AFAP1: variants seen among roughly 807,000 people sequenced by gnomAD.
AFAP1 encodes actin filament-associated protein 1.
Under a neutral mutation model 93.9 loss-of-function variants are expected in AFAP1, and 75 were observed. The ratio of observed to expected loss-of-function variants is 0.80; its 90% CI spans 0.66 to 0.97. AFAP1 has a LOEUF of 0.97. AFAP1 is among the 50% of genes least tolerant of loss of function. The pLI is 0.00. For missense variants in AFAP1, 1,201 were observed against 1,050.8 expected, an observed-to-expected ratio of 1.14 and a Z score of -1.98; for synonymous variants, 517 against 430.7, an observed-to-expected ratio of 1.20 and a Z score of -2.48.
chr4:7,855,335 G>A, intron 4 of AFAP1, 131 bp downstream of exon 4: 1 of 663,442 alleles, frequency 1.5e-6, no homozygotes, highest in Non-Finnish European at 2.5e-6. Flanking sequence ...CAATCTCTTT[G>A]GGTTCAAAAA....
intron 11 of AFAP1, among the ~76,000 whole-genome samples, chr4:7,792,785 G>C (rs942517718): frequency 2.3e-4 from 35 of 149,736 alleles, no homozygotes; most frequent in African/African-American, 8.5e-4. Context: ...ATCCTTTATA[G>C]AAAAAGTCAT....
chr4:7,897,706 T>G (rs1023725623), intron 1 of AFAP1, among the ~76,000 whole-genome samples: 2 of 152,042 alleles, frequency 1.3e-5, no homozygotes, highest in East Asian at 3.9e-4. Context: ...GTATTTTTAG[T>G]AGAGATGGGG....
chr4:7,854,508 T>A lies in AFAP1; in HGVS notation c.334+958A>T, dbSNP rs116340820. ...ATCATCAAGACGGATCCTGCTTTGG[T>A]GGAATAGCCGCGCTCGTAGACTGCC... On this transcript the variant is annotated intron_variant, in intron 4 of 17. Coordinates refer to ENST00000420658, the MANE Select transcript of AFAP1 (RefSeq NM_001134647.2). Among the ~76,000 whole-genome samples the A allele has an allele frequency of 3.5e-3, 531 of 152,228 alleles. 3 individuals are homozygous for A. The highest frequency in any genetic ancestry group is 0.012 in the African/African-American group (505 of 41,526).
chr4:7,918,965 T>TCGGCCCAGGTCACCAGGAAACAGGGC (rs1560236333), intron 1 of AFAP1, among the ~76,000 whole-genome samples: 5 of 31,016 alleles, frequency 1.6e-4, no homozygotes, highest in African/African-American at 5.9e-4. Flanking sequence ...AACAGGGCTG[T>TCGGCCCAGGTCACCAGGAAACAGGGC]TGGAAGAGAC....
chr4:7,846,663 A>G (rs1197573441), intron 4 of AFAP1, among the ~76,000 whole-genome samples: 1 of 152,098 alleles, frequency 6.6e-6, no homozygotes, highest in South Asian at 2.1e-4. Flanking sequence ...TGTGAGCTCT[A>G]CTCTATGCCA....
chr4:7,903,229 C>G (rs892249484), intron 1 of AFAP1, among the ~76,000 whole-genome samples: 1 of 152,156 alleles, frequency 6.6e-6, no homozygotes, highest in African/African-American at 2.4e-5. Context: ...GTGCCAGGCA[C>G]TGGTCATATA....
In AFAP1 at chr4:7,772,924, C is replaced by T; in HGVS notation, c.2149G>A (p.Glu717Lys). The T allele has an allele frequency of 6.2e-7, 1 of 1,614,114 alleles. No homozygotes were observed. Among genetic ancestry groups the T allele is most frequent in the Non-Finnish European group, 8.5e-7 (1 of 1,180,044 alleles). Residue 717 changes from glutamate (E) to lysine (K), a missense_variant, in exon 16 of 18, where the codon GAG (glutamate) becomes AAG (lysine). By Grantham distance (56) the Glu-to-Lys change is moderately conservative (BLOSUM62 1). Transcript: ENST00000420658. Reference protein sequence around the residue: ...RQKEAERVSLELELTEVKESL... With the variant: ...RQKEAERVSLKLELTEVKESL... ...TCCTTGACCTCCGTCAGCTCCAGCTCCAGGCTGACACGCTCCGCCTCCTTC... is the reference window on the plus strand; with the variant it reads ...TCCTTGACCTCCGTCAGCTCCAGCTTCAGGCTGACACGCTCCGCCTCCTTC...
chr4:7,874,366 T>TTC (rs1553850422), intron 1 of AFAP1, among the ~76,000 whole-genome samples: 2 of 134,752 alleles, frequency 1.5e-5, no homozygotes, highest in African/African-American at 3.0e-5. Context: ...CTTTTTTTTT[T>TTC]TTTTTTTTTT....
chr4:7,872,014 G>A lies in AFAP1; in HGVS notation c.65C>T (p.Ser22Leu), dbSNP rs1359151082. The change falls in exon 2 of 18, where the codon TCA becomes TTA. Residue 22 changes from serine to leucine, a missense_variant. Ser to Leu is a moderately radical substitution (Grantham distance 145, BLOSUM62 -2). Transcript: ENST00000420658. The part of the protein sequence containing the change: ...LELLDHEYLT[S>L]TVREKKAVIT... The stretch of plus-strand genomic sequence containing the variant: ...CACTGCCTTTTTCTCCCTGACAGTT[G>A]AGGTTAGATATTCATGGTCCAGGAG... The A allele has an allele frequency of 1.2e-6, 2 of 1,614,164 alleles. No homozygotes were observed. Among genetic ancestry groups the A allele is most frequent in the Admixed American group, 1.7e-5 (1 of 60,028 alleles).
At chr4:7,853,445 C>T (rs1471550491) in intron 4 of AFAP1, among the ~76,000 whole-genome samples, 2 of 152,166 alleles carry the variant, frequency 1.3e-5, no homozygotes, top group Non-Finnish European at 2.9e-5. Context: ...CCGCAGCTCA[C>T]GTGGGCTGTT....
At chr4:7,813,516 G>A (rs1464231409) in intron 8 of AFAP1, among the ~76,000 whole-genome samples, 1 of 152,196 alleles carries the variant, frequency 6.6e-6, no homozygotes, top group African/African-American at 2.4e-5. Flanking sequence ...CCTAATAGAT[G>A]CACTGGGAGA....
At chr4:7,792,643 T>C (rs1185483679) in intron 11 of AFAP1, among the ~76,000 whole-genome samples, 1 of 152,188 alleles carries the variant, frequency 6.6e-6, no homozygotes, top group African/African-American at 2.4e-5. Flanking sequence ...GCACCTCACT[T>C]GTCTGAGCTG....
chr4:7,864,069 C>CATTCCCAACTTCCCATCACAACG (rs1560207792), intron 3 of AFAP1, among the ~76,000 whole-genome samples: 3 of 6,866 alleles, frequency 4.4e-4, no homozygotes, highest in African/African-American at 7.0e-4. Flanking sequence ...CCATCACAAC[C>CATTCCCAACTTCCCATCACAACG]CATTCCCAAC....
intron 4 of AFAP1, among the ~76,000 whole-genome samples, chr4:7,852,701 G>A (rs1714590214): frequency 6.6e-6 from 1 of 152,060 alleles, no homozygotes; most frequent in Non-Finnish European, 1.5e-5. Context: ...AGATGGAGGT[G>A]GTAAATTCTA....
intron 1 of AFAP1, among the ~76,000 whole-genome samples, chr4:7,932,662 G>A (rs981291661): frequency 1.3e-5 from 2 of 152,250 alleles, no homozygotes; most frequent in Non-Finnish European, 2.9e-5. Flanking sequence ...CATTTCTGAA[G>A]GACCTGTCTC....
intron 8 of AFAP1, 51 bp downstream of exon 8, chr4:7,815,965 GTT>G (rs946880348): frequency 6.7e-7 from 1 of 1,485,938 alleles, no homozygotes; most frequent in Admixed American, 2.0e-5. Flanking sequence ...GTAGATTTTT[GTT>G]TTTGTTTTTT....
chr4:7,841,299 C>CCACA (rs34482130), intron 5 of AFAP1, among the ~76,000 whole-genome samples: 70 of 151,642 alleles, frequency 4.6e-4, no homozygotes, highest in Non-Finnish European at 5.7e-4. Flanking sequence ...TCTATACCTC[C>CCACA]CACACACACA....
intron 1 of AFAP1, among the ~76,000 whole-genome samples, chr4:7,898,657 G>GAAA (rs66560687): frequency 7.4e-6 from 1 of 135,646 alleles, no homozygotes; most frequent in Non-Finnish European, 1.6e-5. Flanking sequence ...AGAAAAAGAA[G>GAAA]AAAAAAAAAA....
chr4:7,764,267 G>A (rs556075518), intron 17 of AFAP1, among the ~76,000 whole-genome samples: 2 of 152,340 alleles, frequency 1.3e-5, no homozygotes, highest in South Asian at 4.1e-4. Flanking sequence ...TGGGCTGGGT[G>A]CAGTGGCTCA....
Sources: gnomAD v4.1 joint callset for allele counts (sites outside exome capture counted in the v4.1 genomes callset) on GRCh38, gnomAD v4.1.1 for gene constraint, MANE v1.5 for transcripts, NCBI Gene and HGNC (gene_info 2026-07-23, HGNC 2026-07-21) for gene names.